Variants in ASPRV1 observed in about 807,000 individuals in gnomAD.
ASPRV1 encodes the protein aspartic peptidase retroviral like 1, also known as retroviral-like aspartic protease 1.
In ASPRV1, 7 loss-of-function variants were observed where a neutral mutation model predicts 11.0. The observed-to-expected ratio is 0.64, with a 90% confidence interval of 0.36 to 1.20. ASPRV1 has a LOEUF of 1.20. Ranked by LOEUF, ASPRV1 falls within the 50% of genes most tolerant of loss-of-function variation. The probability of loss-of-function intolerance (pLI) is 0.02; values close to 1 mark genes in which losing one functional copy is unlikely to be tolerated. For synonymous variants in ASPRV1, 136 were observed against 138.4 expected (o/e 0.98, Z 0.12); for missense variants, 299 against 320.0 (o/e 0.93, Z 0.50).
the ASPRV1 span, among the ~76,000 whole-genome samples, chr2:69,982,649 G>C: frequency 6.6e-6 from 1 of 152,150 alleles, no homozygotes; most frequent in African/African-American, 2.4e-5. Flanking sequence ...GAGGACAGGA[G>C]GACACTGGGC....
chr2:70,053,249 T>C, the ASPRV1 span, among the ~76,000 whole-genome samples: 2 of 152,076 alleles, frequency 1.3e-5, no homozygotes, highest in Non-Finnish European at 2.9e-5. Context: ...TATCTGCTCT[T>C]ACATATGTAA....
downstream of ASPRV1, among the ~76,000 whole-genome samples, chr2:69,957,360 T>C (rs773476892): frequency 1.3e-5 from 2 of 151,990 alleles, no homozygotes; most frequent in Non-Finnish European, 2.9e-5. Flanking sequence ...TTGGGGAAAC[T>C]GGGTGAAACG....
At chr2:70,055,243 G>A in the ASPRV1 span, among the ~76,000 whole-genome samples, 10 of 152,182 alleles carry the variant, frequency 6.6e-5, no homozygotes, top group African/African-American at 2.4e-4. Flanking sequence ...GGTGGAGGTT[G>A]CAGTGAGCAG....
chr2:70,065,020 A>T, the ASPRV1 span, among the ~76,000 whole-genome samples: 1 of 152,106 alleles, frequency 6.6e-6, no homozygotes, highest in African/African-American at 2.4e-5. Flanking sequence ...GCTTGAACCC[A>T]GGAGACAGAC....
At chr2:70,021,576 C>A in the ASPRV1 span, among the ~76,000 whole-genome samples, 2 of 151,066 alleles carry the variant, frequency 1.3e-5, no homozygotes, top group Non-Finnish European at 3.0e-5. Flanking sequence ...CCTCGGCCTC[C>A]CAGAGTGCTG....
the ASPRV1 span, among the ~76,000 whole-genome samples, chr2:70,059,256 C>CTT: frequency 5.3e-5 from 6 of 112,222 alleles, no homozygotes; most frequent in East Asian, 2.5e-4. Flanking sequence ...GATTGGTTTT[C>CTT]TTTTTTTTTT....
chr2:70,055,706 TAACA>T, the ASPRV1 span: 1 of 152,284 alleles, frequency 6.6e-6, no homozygotes, highest in African/African-American at 2.4e-5. Flanking sequence ...TACAGCTATG[TAACA>T]AACCTGCATG....
At chr2:69,933,625 G>T in the ASPRV1 span, among the ~76,000 whole-genome samples, 1 of 152,152 alleles carries the variant, frequency 6.6e-6, no homozygotes. Flanking sequence ...TCATGACCTA[G>T]AAGAGGCAGG....
chr2:70,001,388 A>G, the ASPRV1 span, among the ~76,000 whole-genome samples: 1 of 151,948 alleles, frequency 6.6e-6, no homozygotes, highest in Non-Finnish European at 1.5e-5. Context: ...AAGTTAGCCA[A>G]TGTGGTGGTG....
At chr2:70,043,508 G>A in the ASPRV1 span, among the ~76,000 whole-genome samples, 5 of 152,172 alleles carry the variant, frequency 3.3e-5, no homozygotes, top group Non-Finnish European at 7.4e-5. Context: ...AAAATTAGTG[G>A]ACAAGGGGGA....
chr2:70,039,062 A>G, the ASPRV1 span, among the ~76,000 whole-genome samples: 55 of 151,822 alleles, frequency 3.6e-4, no homozygotes, highest in Non-Finnish European at 6.3e-4. Flanking sequence ...CGGGGCAACG[A>G]AAGCAAAACT....
At chr2:69,949,230 G>A in the ASPRV1 span, among the ~76,000 whole-genome samples, 2 of 152,088 alleles carry the variant, frequency 1.3e-5, no homozygotes, top group African/African-American at 2.4e-5. Flanking sequence ...TGTGCTCAGC[G>A]ATGGCCACTT....
the ASPRV1 span, among the ~76,000 whole-genome samples, chr2:70,038,625 T>C: frequency 6.6e-6 from 1 of 152,136 alleles, no homozygotes; most frequent in Non-Finnish European, 1.5e-5. Flanking sequence ...TATTCCCCCT[T>C]GGTAGGCTCT....
chr2:69,937,448 C>T, the ASPRV1 span: 5 of 1,514,084 alleles, frequency 3.3e-6, no homozygotes, highest in South Asian at 6.3e-5. Context: ...AACCCCAGAG[C>T]AGGGGTTCAG....
the ASPRV1 span, among the ~76,000 whole-genome samples, chr2:70,041,393 C>A: frequency 6.6e-6 from 1 of 152,164 alleles, no homozygotes; most frequent in African/African-American, 2.4e-5. Flanking sequence ...TGGTCACCCA[C>A]CCAGTCGGAT....
At chr2:69,959,563 A>C (rs1050868924), downstream of ASPRV1, among the ~76,000 whole-genome samples, 1 of 151,868 alleles carries the variant, frequency 6.6e-6, no homozygotes, top group Non-Finnish European at 1.5e-5. Context: ...GCTCTGTTCC[A>C]AGTCCCTCCA....
At chr2:69,937,749 G>T in the ASPRV1 span, among the ~76,000 whole-genome samples, 1 of 152,162 alleles carries the variant, frequency 6.6e-6, no homozygotes, top group African/African-American at 2.4e-5. Flanking sequence ...CAAGCAGCTG[G>T]GATTACAGGC....
the ASPRV1 span, among the ~76,000 whole-genome samples, chr2:69,986,672 G>A: frequency 6.6e-6 from 1 of 151,278 alleles, no homozygotes; most frequent in South Asian, 2.1e-4. Context: ...AATCCAGATG[G>A]TGGGGGACAA....
At chr2:69,950,958 T>A in the ASPRV1 span, among the ~76,000 whole-genome samples, 1 of 151,572 alleles carries the variant, frequency 6.6e-6, no homozygotes, top group Admixed American at 6.6e-5. Flanking sequence ...TACCATGTAA[T>A]CCTATTTTTG....
Sources: allele counts gnomAD v4.1 joint callset (sites outside exome capture counted in the v4.1 genomes callset), GRCh38; gene constraint gnomAD v4.1.1; transcripts MANE v1.5; gene names NCBI Gene and HGNC (gene_info 2026-07-23, HGNC 2026-07-21).